Variants in TENM2 observed in about 807,000 individuals in gnomAD.
The protein encoded by TENM2 is teneurin transmembrane protein 2.
A neutral mutation model predicts 245.2 loss-of-function variants in TENM2; 52 were observed. The observed-to-expected ratio is 0.21, with a 90% CI of 0.17 to 0.27. The LOEUF is 0.27. TENM2 is among the 10% of genes least tolerant of loss of function. The pLI, the probability that TENM2 is intolerant of heterozygous loss-of-function variation, is 1.00. For missense variants in TENM2, 3,046 were observed against 3,666.8 expected (o/e 0.83, Z 4.37); for synonymous variants, 1,363 against 1,438.9 (o/e 0.95, Z 1.19).
At chr5:168,194,634 G>A (rs112406341) in intron 14 of TENM2, among the ~76,000 whole-genome samples, 39 of 152,088 alleles carry the variant, frequency 2.6e-4, no homozygotes, top group African/African-American at 8.0e-4. Context: ...CAAAGTTCTC[G>A]TTTCCTCAGA....
the TENM2 span, among the ~76,000 whole-genome samples, chr5:167,163,036 T>A: frequency 0.019 from 2,892 of 152,298 alleles, 99 homozygotes; most frequent in African/African-American, 0.065. Context: ...TAGATTTGAA[T>A]AATGGTAGCC....
chr5:167,053,266 T>G, the TENM2 span, among the ~76,000 whole-genome samples: 3 of 152,232 alleles, frequency 2.0e-5, no homozygotes, highest in Non-Finnish European at 2.9e-5. Context: ...AATATGCTCT[T>G]TTCTTATAAG....
chr5:168,200,237 T>A (rs757746779), intron 17 of TENM2, 106 bp downstream of exon 19: 1 of 1,043,710 alleles, frequency 9.6e-7, no homozygotes, highest in African/African-American at 1.6e-5. Flanking sequence ...TTTCAGTAGA[T>A]AAGGACACGA....
intron 9 of TENM2, among the ~76,000 whole-genome samples, chr5:168,099,532 T>A (rs963720261): frequency 1.3e-5 from 2 of 152,186 alleles, no homozygotes; most frequent in African/African-American, 2.4e-5. Context: ...TATTTAATTA[T>A]GCATACGATT....
chr5:167,418,532 A>G (rs1479691544), intron 2 of TENM2, among the ~76,000 whole-genome samples: 2 of 152,186 alleles, frequency 1.3e-5, no homozygotes, highest in African/African-American at 4.8e-5. Context: ...AAGCTTGAGA[A>G]AAGCTAAGTT....
At chr5:168,052,424 A>G (rs1460988103) in intron 6 of TENM2, among the ~76,000 whole-genome samples, 3 of 151,886 alleles carry the variant, frequency 2.0e-5, no homozygotes, top group Non-Finnish European at 2.9e-5. Context: ...ACACACATAT[A>G]TATGTGTATG....
At chr5:167,491,321 G>C (rs184502141) in intron 2 of TENM2, among the ~76,000 whole-genome samples, 1 of 152,046 alleles carries the variant, frequency 6.6e-6, no homozygotes, top group Non-Finnish European at 1.5e-5. Flanking sequence ...GAAATAAATA[G>C]AATAAATCTT....
chr5:167,181,156 T>C, the TENM2 span, among the ~76,000 whole-genome samples: 1 of 151,952 alleles, frequency 6.6e-6, no homozygotes, highest in East Asian at 1.9e-4. Context: ...TCCTAAAAGA[T>C]TTTGTAGAAA....
intron 1 of TENM2, among the ~76,000 whole-genome samples, chr5:167,336,742 T>C (rs2127802141): frequency 6.6e-6 from 1 of 151,882 alleles, no homozygotes; most frequent in African/African-American, 2.4e-5. Flanking sequence ...GCTGACATAA[T>C]GATGAAAGGA....
At chr5:168,022,949 G>A (rs570076119) in intron 5 of TENM2, among the ~76,000 whole-genome samples, 92 of 152,192 alleles carry the variant, frequency 6.0e-4, no homozygotes, top group Admixed American at 2.1e-3. Context: ...GCAAGGGTGC[G>A]TGTGCCAGGC....
chr5:168,077,174 G>T (rs1674408806), intron 7 of TENM2, among the ~76,000 whole-genome samples: 2 of 152,148 alleles, frequency 1.3e-5, no homozygotes, highest in African/African-American at 4.8e-5. Context: ...TAGCATCTGA[G>T]CAGTTAGCAA....
At chr5:167,433,529 T>C (rs1764369239) in intron 2 of TENM2, among the ~76,000 whole-genome samples, 2 of 152,188 alleles carry the variant, frequency 1.3e-5, no homozygotes, top group African/African-American at 4.8e-5. Context: ...TTTTTTGAGC[T>C]ACTAATTGTT....
chr5:168,098,276 T>C, intron 9 of TENM2, 149 bp downstream of exon 11: 3 of 637,028 alleles, frequency 4.7e-6, no homozygotes, highest in Non-Finnish European at 8.4e-6. Context: ...GCATAAGCCT[T>C]CGTAAAGAGT....
intron 2 of TENM2, among the ~76,000 whole-genome samples, chr5:167,623,919 A>G (rs918280529): frequency 2.0e-5 from 3 of 152,130 alleles, no homozygotes; most frequent in Non-Finnish European, 4.4e-5. Flanking sequence ...GTCAAAAAAT[A>G]CCAGATGATG....
chr5:167,987,446 G>A (rs1783330802), intron 4 of TENM2, among the ~76,000 whole-genome samples: 1 of 151,702 alleles, frequency 6.6e-6, no homozygotes, highest in Non-Finnish European at 1.5e-5. Flanking sequence ...TCCTGCCTCT[G>A]CCTCCCAAGT....
chr5:167,027,749 CT>C, the TENM2 span, among the ~76,000 whole-genome samples: 1 of 152,030 alleles, frequency 6.6e-6, no homozygotes, highest in African/African-American at 2.4e-5. Context: ...AATATTAGTA[CT>C]TTGGTGCATA....
At chr5:167,408,797 T>C (rs1019859806) in intron 2 of TENM2, among the ~76,000 whole-genome samples, 1 of 150,392 alleles carries the variant, frequency 6.6e-6, no homozygotes, top group Non-Finnish European at 1.5e-5. Flanking sequence ...TATACATATA[T>C]ATATATAATT....
chr5:167,791,513 A>T (rs183402042), intron 2 of TENM2, among the ~76,000 whole-genome samples: 1 of 49,888 alleles, frequency 2.0e-5, no homozygotes, highest in South Asian at 6.3e-4. Flanking sequence ...ATATTATAAT[A>T]TATAAATATA....
At chr5:167,364,918 T>C (rs1270356242) in intron 1 of TENM2, among the ~76,000 whole-genome samples, 5 of 151,940 alleles carry the variant, frequency 3.3e-5, no homozygotes, top group Admixed American at 3.3e-4. Context: ...GACAGAAATA[T>C]AGGATATAGA....
Sources: gnomAD v4.1 joint callset for allele counts (sites outside exome capture counted in the v4.1 genomes callset) on GRCh38, gnomAD v4.1.1 for gene constraint, MANE v1.5 for transcripts, NCBI Gene and HGNC (gene_info 2026-07-23, HGNC 2026-07-21) for gene names.